CDKL3: variants seen among roughly 807,000 people sequenced by gnomAD.
The protein encoded by CDKL3 is cyclin-dependent kinase-like 3.
A neutral mutation model predicts 69.3 loss-of-function variants in CDKL3; 65 were observed. The observed-to-expected ratio is 0.94, with a 90% confidence interval of 0.77 to 1.15. CDKL3 has a LOEUF of 1.15. CDKL3 is among the 50% of genes most tolerant of loss of function. CDKL3 has a pLI of 0.00. For missense variants in CDKL3, 652 were observed against 689.2 expected, an observed-to-expected ratio of 0.95 and a Z score of 0.61; for synonymous variants, 202 against 221.6, an observed-to-expected ratio of 0.91 and a Z score of 0.79.
chr5:134,315,079 A>ACAAT (rs1331721827), intron 6 of CDKL3, among the ~76,000 whole-genome samples: 1 of 152,222 alleles, frequency 6.6e-6, no homozygotes, highest in Non-Finnish European at 1.5e-5. Context: ...TTTTAAAGTT[A>ACAAT]CAATAATAAA....
At position 134,302,646 on chromosome 5, in the gene CDKL3, CT is replaced by C. The variant is rs1244626138; in HGVS notation, c.1662del (p.Glu555SerfsTer30). ...IKMLKRESKK[T>X]ESSKIPTLLN... ...AGTAAAGTTGGTATCTTAGATGACTCTGTTTTCTTTGACTCCCTCTTCAGCA... is the reference window on the plus strand; with the variant it reads ...AGTAAAGTTGGTATCTTAGATGACTCGTTTTCTTTGACTCCCTCTTCAGCA... On this transcript the variant is annotated frameshift_variant, in exon 12 of 13. Coordinates refer to ENST00000265334, the MANE Select transcript of CDKL3 (RefSeq NM_001113575.2). LOFTEE classifies it high-confidence loss of function. 6.2e-7 allele frequency: 1 copy of C among 1,602,702 alleles called. No homozygotes were observed. The highest frequency in any genetic ancestry group is 8.5e-7 in the Non-Finnish European group (1 of 1,174,436).
At chr5:134,342,886 A>G (rs1252106912) in intron 4 of CDKL3, among the ~76,000 whole-genome samples, 3 of 152,098 alleles carry the variant, frequency 2.0e-5, no homozygotes, top group African/African-American at 7.2e-5. Context: ...CTGATTTCAA[A>G]CTTGCTACAA....
intron 3 of CDKL3, among the ~76,000 whole-genome samples, chr5:134,353,580 T>C (rs1581193112): frequency 6.8e-6 from 1 of 146,098 alleles, no homozygotes; most frequent in Non-Finnish European, 1.5e-5. Context: ...TGAGACAGAG[T>C]CTCGCTTTGT....
upstream of CDKL3, among the ~76,000 whole-genome samples, chr5:134,368,618 C>CAAAAAA (rs11339001): frequency 1.1e-4 from 8 of 69,788 alleles, no homozygotes; most frequent in South Asian, 1.1e-3. Flanking sequence ...GACTCCATCT[C>CAAAAAA]AAAAAAAAAA....
chr5:134,296,918 A>G (rs1284103960), downstream of CDKL3, among the ~76,000 whole-genome samples: 1 of 151,268 alleles, frequency 6.6e-6, no homozygotes, highest in Non-Finnish European at 1.5e-5. Flanking sequence ...TAGGGAGTTT[A>G]GCAAGAGTGT....
intron 2 of CDKL3, among the ~76,000 whole-genome samples, 169 bp from the exon 3 acceptor site, chr5:134,360,260 A>C (rs1353414612): frequency 6.6e-6 from 1 of 152,108 alleles, no homozygotes; most frequent in Non-Finnish European, 1.5e-5. Flanking sequence ...GCTGGAGTGC[A>C]GTAGCACAAT....
downstream of CDKL3, among the ~76,000 whole-genome samples, chr5:134,295,011 C>CTTTTTT (rs869256167): frequency 5.9e-4 from 59 of 100,406 alleles, no homozygotes; most frequent in East Asian, 8.7e-4. Context: ...ATTTTTTTTT[C>CTTTTTT]TTTTTTTTTT....
intron 3 of CDKL3, among the ~76,000 whole-genome samples, chr5:134,351,397 T>C (rs1753272009): frequency 6.6e-6 from 1 of 152,154 alleles, no homozygotes; most frequent in Non-Finnish European, 1.5e-5. Flanking sequence ...TCCATCTCAA[T>C]CTGATCAACT....
At chr5:134,305,692 T>G (rs1389614825) in intron 10 of CDKL3, among the ~76,000 whole-genome samples, 1 of 152,236 alleles carries the variant, frequency 6.6e-6, no homozygotes, top group Non-Finnish European at 1.5e-5. Context: ...TTCCACTGTA[T>G]GAATGTACCC....
In CDKL3 at chr5:134,366,363, A is replaced by T. The variant is rs754881020; in HGVS notation, c.161T>A (p.Leu54Gln). The T allele has an allele frequency of 4.0e-5, 62 of 1,559,334 alleles. No individual in the cohort carries two copies. The highest frequency in any genetic ancestry group is 5.1e-5 in the Non-Finnish European group (59 of 1,157,740). Residue 54 changes from leucine to glutamine, a missense_variant, in exon 2 of 13, where the codon CTA becomes CAA. Coordinates refer to ENST00000265334, the MANE Select transcript of CDKL3 (RefSeq NM_001113575.2). ...ATTAAGGCAAAAGAAGCAAACCTTT[A>T]GAAACTTTATTTCTCTCATCGCAAT... ...NKIAMREIKF[L>Q]KQFHHENLVN... is the part of the protein sequence containing the mutation.
At chr5:134,367,690 C>A (rs1052173576), upstream of CDKL3, among the ~76,000 whole-genome samples, 1 of 152,130 alleles carries the variant, frequency 6.6e-6, no homozygotes, top group Admixed American at 6.6e-5. Context: ...GTTCTTAAAT[C>A]AAAAACTTTT....
At position 134,306,737 on chromosome 5, in the gene CDKL3, C is replaced by T. The variant is rs1038722322; in HGVS notation, c.1365-35G>A. ...AAAAATGAATGAGAAGTTACTAAAA[C>T]TCCCCAGAAATGCTTTTTTTTTTTT... On this transcript the variant is annotated intron_variant, in intron 9 of 12. Transcript: ENST00000265334. 1.5e-5 allele frequency: 12 copies of T among 824,214 alleles called. No individual in the cohort carries two copies. The African/African-American group carries it at 1.7e-4, about 12-fold the overall frequency. 51.1% of individuals were successfully genotyped at this position (824,214 alleles called of 1,614,324 possible). A position where few individuals can be genotyped will look rare whatever the true frequency, so the allele number is the denominator to read the frequency against.
chr5:134,365,620 A>G (rs1757224668), intron 2 of CDKL3, among the ~76,000 whole-genome samples: 1 of 152,160 alleles, frequency 6.6e-6, no homozygotes, highest in Non-Finnish European at 1.5e-5. Context: ...TTTACACTGA[A>G]TTCAAAACCT....
intron 3 of CDKL3, among the ~76,000 whole-genome samples, chr5:134,352,171 C>T (rs1753457307): frequency 6.6e-6 from 1 of 152,088 alleles, no homozygotes; most frequent in Non-Finnish European, 1.5e-5. Flanking sequence ...TTTCACTTAC[C>T]ATAACGTCCT....
chr5:134,292,369 A>G (rs953970555), intron 8 of CDKL3, among the ~76,000 whole-genome samples: 3 of 152,198 alleles, frequency 2.0e-5, no homozygotes, highest in African/African-American at 7.2e-5. Flanking sequence ...TTCTAAATAA[A>G]TGGATCAAAT....
chr5:134,340,015 A>G (rs1247667178), intron 4 of CDKL3, among the ~76,000 whole-genome samples: 1 of 152,056 alleles, frequency 6.6e-6, no homozygotes. Context: ...TTAGCCAAGC[A>G]TGAGGGCACA....
intron 4 of CDKL3, among the ~76,000 whole-genome samples, chr5:134,344,133 G>A (rs1421511861): frequency 6.6e-6 from 1 of 152,134 alleles, no homozygotes; most frequent in Non-Finnish European, 1.5e-5. Flanking sequence ...TTACCTTATA[G>A]CATATACAAA....
downstream of CDKL3, among the ~76,000 whole-genome samples, chr5:134,286,098 G>A (rs1020135420): frequency 6.6e-6 from 1 of 152,024 alleles, no homozygotes; most frequent in Non-Finnish European, 1.5e-5. Context: ...CTCCAGACTG[G>A]TTATAGAGTG....
At chr5:134,362,043 T>G (rs181013690) in intron 2 of CDKL3, among the ~76,000 whole-genome samples, 1 of 152,284 alleles carries the variant, frequency 6.6e-6, no homozygotes, top group Non-Finnish European at 1.5e-5. Context: ...TTGTAGAAGA[T>G]CCATTCAGGG....
Sources: allele counts gnomAD v4.1 joint callset (sites outside exome capture counted in the v4.1 genomes callset), GRCh38; gene constraint gnomAD v4.1.1; transcripts MANE v1.5; gene names NCBI Gene and HGNC (gene_info 2026-07-23, HGNC 2026-07-21).